The following CRISPLD1 variants were observed in gnomAD, a reference collection of about 807,000 sequenced individuals.
CRISPLD1 encodes cysteine rich secretory protein LCCL domain containing 1.
Under a neutral mutation model 77.5 loss-of-function variants are expected in CRISPLD1, and 60 were observed. The observed-to-expected ratio is 0.77, with a 90% CI of 0.63 to 0.96. The LOEUF is 0.96. CRISPLD1 is among the 40% of genes least tolerant of loss of function. The probability of loss-of-function intolerance (pLI) is 0.00; values close to 1 mark genes in which losing one functional copy is unlikely to be tolerated. For missense variants in CRISPLD1, 623 were observed against 615.8 expected (o/e 1.01, Z -0.12); for synonymous variants, 195 against 200.1 (o/e 0.97, Z 0.22).
intron 12 of CRISPLD1, 26 bp from the exon 13 acceptor site, chr8:75,025,520 T>A: frequency 2.0e-6 from 2 of 1,001,802 alleles, no homozygotes; most frequent in Non-Finnish European, 2.8e-6. Flanking sequence ...TTACTTAATA[T>A]ATATATAATA....
At chr8:75,020,147 T>C in intron 12 of CRISPLD1, 68 bp downstream of exon 12, 1 of 1,274,622 alleles carries the variant, frequency 7.8e-7, no homozygotes, top group Non-Finnish European at 1.1e-6. Context: ...TTCTGATGTC[T>C]CTGGGATTCA....
chr8:75,012,189 G>A (rs770632994), intron 2 of CRISPLD1, among the ~76,000 whole-genome samples: 2 of 152,038 alleles, frequency 1.3e-5, no homozygotes, highest in Admixed American at 6.6e-5. Context: ...CAGCATATTC[G>A]TGTTCACTTA....
rs537645165 is a variant in CRISPLD1 at position 75,029,635 on chromosome 8, C to T, written c.1451+118C>T. 1.5e-4 allele frequency: 143 copies of T among 970,136 alleles called. No individual in the cohort carries two copies. In the South Asian group the frequency reaches 2.2e-3, roughly 15 times the overall value. The allele number at this position is 970,136 out of a possible 1,614,324, so 60.1% of individuals were successfully genotyped here. On this transcript the variant is annotated intron_variant, in intron 14 of 14. Coordinates refer to ENST00000262207, the MANE Select transcript of CRISPLD1 (RefSeq NM_031461.6). ...TTTTTTTCAAAGTTAAGTGGCAGAG[C>T]CAGTGTGTTCCTTTGCACACTTGTG...
At chr8:75,027,416 C>G (rs1813252707) in intron 13 of CRISPLD1, among the ~76,000 whole-genome samples, 1 of 152,164 alleles carries the variant, frequency 6.6e-6, no homozygotes, top group African/African-American at 2.4e-5. Flanking sequence ...TCCCTTTAAG[C>G]AGGAGAACTT....
chr8:75,017,405 A>T lies in CRISPLD1; in HGVS notation c.1082A>T (p.Lys361Met), dbSNP rs774775508. 1.9e-6 allele frequency: 3 copies of T among 1,611,068 alleles called. No homozygotes were observed. The highest frequency in any genetic ancestry group is 2.5e-6 in the Non-Finnish European group (3 of 1,178,684). Residue 361 changes from lysine to methionine, a missense_variant, in exon 10 of 15, where the codon AAG becomes ATG. Physicochemically the swap from Lys to Met is moderately conservative, Grantham distance 95. Coordinates refer to ENST00000262207, the MANE Select transcript of CRISPLD1 (RefSeq NM_031461.6). The part of the protein sequence containing the change: ...GWVDITRQGR[K>M]HYFIKSNRNG... Reference sequence around the variant, plus strand: ...GTAGATATCACTAGACAAGGAAGAAAGCATTATTTCATCAAGTCCAATAGA... The same window carrying T: ...GTAGATATCACTAGACAAGGAAGAATGCATTATTTCATCAAGTCCAATAGA...
intron 14 of CRISPLD1, among the ~76,000 whole-genome samples, chr8:75,030,036 A>G (rs771649679): frequency 2.0e-5 from 3 of 152,148 alleles, no homozygotes; most frequent in Admixed American, 2.0e-4. Context: ...AGTGTCATAT[A>G]TTTTGGTGAT....
At chr8:74,993,567 C>G (rs766733351) in intron 2 of CRISPLD1, among the ~76,000 whole-genome samples, 4 of 152,036 alleles carry the variant, frequency 2.6e-5, no homozygotes, top group Non-Finnish European at 4.4e-5. Flanking sequence ...AGACTTCGAC[C>G]TTTAAAGTGA....
chr8:74,987,346 G>A (rs1812512235), intron 2 of CRISPLD1, among the ~76,000 whole-genome samples: 1 of 152,160 alleles, frequency 6.6e-6, no homozygotes, highest in Non-Finnish European at 1.5e-5. Context: ...TTCTGGCACT[G>A]ACACGCACTA....
Position 75,019,922 on chromosome 8 carries a change from A to G in CRISPLD1, c.1171+9A>G. On this transcript the variant is annotated intron_variant, in intron 11 of 14. Coordinates refer to ENST00000262207, the MANE Select transcript of CRISPLD1 (RefSeq NM_031461.6). ...AGTCTCTAAAGTAACAGGTTAGCAC[A>G]TTCTTCATCTTATTTTCTTAGTACT... The G allele has an allele frequency of 6.2e-7, 1 of 1,612,372 alleles. No individual in the cohort carries two copies. The highest frequency in any genetic ancestry group is 1.7e-5 in the Admixed American group (1 of 60,028).
rs976136970 is a variant in CRISPLD1, at chr8:75,033,933, C to G, written c.*1691C>G. 2 of 151,972 alleles carry G rather than the reference C, an allele frequency of 1.3e-5. No homozygotes were observed. Among genetic ancestry groups the G allele is most frequent in the African/African-American group, 4.8e-5 (2 of 41,424 alleles). The allele number at this position is 151,972 out of a possible 1,614,324, so 9.4% of individuals were successfully genotyped here. A position where few individuals can be genotyped will look rare whatever the true frequency, so the allele number is the denominator to read the frequency against. The stretch of plus-strand genomic sequence containing the variant: ...CTTAAATAGTATGACTTTACATAGA[C>G]TCTTTTTCTGGTCCTTACTGCTCCT... On this transcript the variant is annotated 3_prime_UTR_variant, in exon 15 of 15. Coordinates refer to ENST00000262207, the MANE Select transcript of CRISPLD1 (RefSeq NM_031461.6).
At chr8:75,011,773 TC>T (rs2128784940) in intron 2 of CRISPLD1, among the ~76,000 whole-genome samples, 1 of 152,268 alleles carries the variant, frequency 6.6e-6, no homozygotes, top group Admixed American at 6.5e-5. Context: ...AATCACCTTG[TC>T]CAGATGATAG....
Position 75,014,868 on chromosome 8 carries a change from C to A in CRISPLD1, c.683C>A (p.Pro228Gln). The A allele has an allele frequency of 6.3e-7, 1 of 1,579,438 alleles. No individual in the cohort carries two copies. Among genetic ancestry groups the A allele is most frequent in the East Asian group, 2.4e-5 (1 of 42,498 alleles). ...CATGGGCGGCCCTGTTCTGCTTGCC[C>A]ACCTAGTTTTGGAGGGGGCTGTAGA... ...YKHGRPCSAC[P>Q]PSFGGGCREN... The change falls in exon 6 of 15, where the codon CCA becomes CAA. Residue 228 changes from proline (P) to glutamine (Q), a missense_variant. Pro to Gln is a moderately conservative substitution (Grantham distance 76). Transcript: ENST00000262207.
chr8:75,016,977 A>G (rs770517082), intron 8 of CRISPLD1, 36 bp downstream of exon 8: 7 of 1,514,958 alleles, frequency 4.6e-6, no homozygotes, highest in Middle Eastern at 2.2e-4. Context: ...TTAATTGAAT[A>G]TAATAAATAT....
Position 75,012,439 on chromosome 8 carries a change from G to T in CRISPLD1, c.265G>T (p.Asp89Tyr), listed in dbSNP as rs1420077145. The part of the protein sequence containing the change: ...TASNMEYMTW[D>Y]VELERSAESW... Reference sequence around the variant, plus strand: ...CTTTTGTTTTAAACTGTAGACATGGGATGTAGAGCTGGAAAGATCTGCAGA... The same window carrying T: ...CTTTTGTTTTAAACTGTAGACATGGTATGTAGAGCTGGAAAGATCTGCAGA... Residue 89 changes from aspartate to tyrosine, a missense_variant, in exon 3 of 15, where the codon GAT becomes TAT. Transcript: ENST00000262207. The T allele has an allele frequency of 1.2e-6, 2 of 1,605,644 alleles. No individual in the cohort carries two copies. Among genetic ancestry groups the T allele is most frequent in the Non-Finnish European group, 1.7e-6 (2 of 1,172,546 alleles).
chr8:75,019,840 T>C (rs765684173), intron 10 of CRISPLD1, 30 bp from the exon 11 acceptor site: 1 of 1,577,622 alleles, frequency 6.3e-7, no homozygotes, highest in Non-Finnish European at 8.7e-7. Context: ...TATATGAAAA[T>C]AATTAACATT....
At chr8:74,995,899 G>A (rs1812639357) in intron 2 of CRISPLD1, among the ~76,000 whole-genome samples, 1 of 151,924 alleles carries the variant, frequency 6.6e-6, no homozygotes, top group Non-Finnish European at 1.5e-5. Flanking sequence ...TTCAGGCTGT[G>A]CTCTCTCACA....
At chr8:75,012,224 A>C (rs1224231986) in intron 2 of CRISPLD1, among the ~76,000 whole-genome samples, 3 of 152,078 alleles carry the variant, frequency 2.0e-5, no homozygotes, top group Non-Finnish European at 4.4e-5. Flanking sequence ...CGTATGGGGC[A>C]ATTTGGAGGG....
chr8:74,995,605 G>A (rs1812635154), intron 2 of CRISPLD1, among the ~76,000 whole-genome samples: 1 of 152,138 alleles, frequency 6.6e-6, no homozygotes, highest in African/African-American at 2.4e-5. Context: ...CTCCTGAGTA[G>A]CTGTGACTAC....
At chr8:75,000,307 G>C (rs1812718842) in intron 2 of CRISPLD1, 2 of 985,340 alleles carry the variant, frequency 2.0e-6, no homozygotes, top group Non-Finnish European at 2.4e-6. Context: ...TAAAAGTGTT[G>C]AGAGAGGGGC....
Sources: allele counts gnomAD v4.1 joint callset (sites outside exome capture counted in the v4.1 genomes callset), GRCh38; gene constraint gnomAD v4.1.1; transcripts MANE v1.5; gene names NCBI Gene and HGNC (gene_info 2026-07-23, HGNC 2026-07-21).